RPRD1A: variants seen among roughly 807,000 people sequenced by gnomAD.
The protein encoded by RPRD1A is regulation of nuclear pre-mRNA domain-containing protein 1A.
In RPRD1A, 9 loss-of-function variants were observed where a neutral mutation model predicts 37.8. The ratio of observed to expected loss-of-function variants is 0.24; its 90% CI spans 0.14 to 0.42. RPRD1A has a LOEUF of 0.42. RPRD1A is among the 10% of genes least tolerant of loss of function. The probability of loss-of-function intolerance (pLI) is 1.00; values close to 1 mark genes in which losing one functional copy is unlikely to be tolerated. For synonymous variants in RPRD1A, 138 were observed against 139.7 expected (o/e 0.99, Z 0.08); for missense variants, 255 against 371.0 (o/e 0.69, Z 2.57).
intron 1 of RPRD1A, among the ~76,000 whole-genome samples, chr18:36,034,642 G>C (rs1315819665): frequency 2.0e-5 from 3 of 152,144 alleles, no homozygotes; most frequent in African/African-American, 7.2e-5. Flanking sequence ...ATCACTCAAT[G>C]TAGTACAGTT....
intron 1 of RPRD1A, among the ~76,000 whole-genome samples, chr18:36,049,037 G>T (rs956385334): frequency 6.6e-6 from 1 of 152,190 alleles, no homozygotes; most frequent in Admixed American, 6.5e-5. Context: ...AAGTAGCTGT[G>T]ATTACAGGCA....
intron 1 of RPRD1A, among the ~76,000 whole-genome samples, chr18:36,060,235 T>A (rs182918433): frequency 6.6e-6 from 1 of 151,940 alleles, no homozygotes; most frequent in Non-Finnish European, 1.5e-5. Flanking sequence ...ATCGAGACCA[T>A]CCTGACTAAC....
chr18:36,034,234 G>A (rs887669246), intron 1 of RPRD1A, among the ~76,000 whole-genome samples: 41 of 152,202 alleles, frequency 2.7e-4, no homozygotes, highest in African/African-American at 9.4e-4. Context: ...CAACAGAAGA[G>A]CATGAAATGT....
At chr18:36,046,325 C>T (rs964175366) in intron 1 of RPRD1A, among the ~76,000 whole-genome samples, 1 of 152,056 alleles carries the variant, frequency 6.6e-6, no homozygotes, top group African/African-American at 2.4e-5. Context: ...AGAAACACTC[C>T]CCACTGGGCT....
chr18:36,052,880 G>A (rs2144386655), intron 1 of RPRD1A: 1 of 152,096 alleles, frequency 6.6e-6, no homozygotes, highest in African/African-American at 2.4e-5. Flanking sequence ...TTACAGATGT[G>A]AGCCACCACA....
intron 6 of RPRD1A, among the ~76,000 whole-genome samples, chr18:36,003,953 C>A (rs1341895598): frequency 1.3e-5 from 2 of 151,490 alleles, no homozygotes; most frequent in African/African-American, 4.9e-5. Context: ...TGCGCACCAC[C>A]ACACCACACT....
chr18:36,014,109 A>C (rs1328260986), intron 6 of RPRD1A, among the ~76,000 whole-genome samples: 1 of 152,200 alleles, frequency 6.6e-6, no homozygotes, highest in Non-Finnish European at 1.5e-5. Context: ...GTATTTGGAC[A>C]AATATTTTTT....
At chr18:36,004,729 CCT>C (rs760966124) in intron 6 of RPRD1A, among the ~76,000 whole-genome samples, 3 of 151,994 alleles carry the variant, frequency 2.0e-5, no homozygotes, top group Non-Finnish European at 2.9e-5. Context: ...ATGGGGAAAC[CCT>C]GTCTCTACTA....
chr18:36,033,423 T>C (rs940424495), intron 2 of RPRD1A, among the ~76,000 whole-genome samples: 1 of 152,094 alleles, frequency 6.6e-6, no homozygotes, highest in Non-Finnish European at 1.5e-5. Flanking sequence ...CATTCATTTT[T>C]AATGAAGTTC....
chr18:36,036,814 A>C lies in RPRD1A; in HGVS notation c.152-2977T>G, dbSNP rs35178231. On this transcript the variant is annotated intron_variant, in intron 1 of 6. Transcript: ENST00000399022. ...TATTAAAAGAGAAACAGTTAACAGA[A>C]AGGGAAAACAAACCATGTCATAATT... Among the ~76,000 whole-genome samples, 1,489 of 152,336 alleles carry C rather than the reference A, an allele frequency of 9.8e-3. 11 individuals carry two copies. Among genetic ancestry groups the C allele is most frequent in the Non-Finnish European group, 0.016 (1,065 of 68,030 alleles).
At chr18:36,066,144 T>A (rs1348730039) in intron 1 of RPRD1A, among the ~76,000 whole-genome samples, 2 of 152,062 alleles carry the variant, frequency 1.3e-5, no homozygotes, top group Non-Finnish European at 2.9e-5. Context: ...AATACACACA[T>A]ACTTACACAT....
At chr18:36,051,427 T>C (rs1279391877) in intron 1 of RPRD1A, among the ~76,000 whole-genome samples, 2 of 152,206 alleles carry the variant, frequency 1.3e-5, no homozygotes, top group Non-Finnish European at 2.9e-5. Flanking sequence ...TTTTCAGGTC[T>C]TTCTCAACCA....
intron 6 of RPRD1A, 116 bp from the exon 7 acceptor site, chr18:35,993,416 G>A (rs1003128037): frequency 2.1e-6 from 2 of 973,132 alleles, no homozygotes; most frequent in African/African-American, 3.3e-5. Context: ...ATTTAAAAAG[G>A]TTATTCCAGT....
intron 6 of RPRD1A, among the ~76,000 whole-genome samples, chr18:36,003,095 C>T (rs1224788368): frequency 6.6e-6 from 1 of 152,172 alleles, no homozygotes; most frequent in Non-Finnish European, 1.5e-5. Flanking sequence ...TCTGATCTCC[C>T]CAGTTCCCTC....
At chr18:36,009,818 CTTAT>C (rs904031830) in intron 6 of RPRD1A, among the ~76,000 whole-genome samples, 1 of 152,160 alleles carries the variant, frequency 6.6e-6, no homozygotes, top group Admixed American at 6.5e-5. Flanking sequence ...GATTTTAATT[CTTAT>C]TTAATTTTGA....
chr18:36,009,492 A>G (rs1000942560), intron 6 of RPRD1A, among the ~76,000 whole-genome samples: 4 of 152,154 alleles, frequency 2.6e-5, no homozygotes, highest in Non-Finnish European at 5.9e-5. Context: ...CACCTTTACA[A>G]CAGTACATGC....
intron 1 of RPRD1A, among the ~76,000 whole-genome samples, chr18:36,047,423 G>A (rs1913037515): frequency 6.6e-6 from 1 of 151,238 alleles, no homozygotes; most frequent in African/African-American, 2.4e-5. Flanking sequence ...CAAGAACCTA[G>A]AAAAAGAAGA....
intron 6 of RPRD1A, among the ~76,000 whole-genome samples, chr18:36,023,375 G>A (rs1474405475): frequency 1.3e-5 from 2 of 152,162 alleles, no homozygotes; most frequent in Non-Finnish European, 2.9e-5. Flanking sequence ...GCAAGAGAAC[G>A]AGACACAGAA....
At chr18:36,055,233 C>T (rs1333472031) in intron 1 of RPRD1A, among the ~76,000 whole-genome samples, 2 of 152,192 alleles carry the variant, frequency 1.3e-5, no homozygotes, top group East Asian at 3.8e-4. Context: ...GATTAAATGT[C>T]TAAGGTATTT....
Sources: allele counts gnomAD v4.1 joint callset (sites outside exome capture counted in the v4.1 genomes callset), GRCh38; gene constraint gnomAD v4.1.1; transcripts MANE v1.5; gene names NCBI Gene and HGNC (gene_info 2026-07-23, HGNC 2026-07-21).